The following PUM1 variants were observed in gnomAD, a reference collection of about 807,000 sequenced individuals.
PUM1 encodes pumilio homolog 1.
PUM1 carries 13 observed loss-of-function variants against 131.8 expected under a neutral mutation model. The observed-to-expected ratio is 0.10, with a 90% CI of 0.06 to 0.16. The LOEUF is 0.16. PUM1 is among the 10% of genes least tolerant of loss of function. The pLI is 1.00. For missense variants in PUM1, 961 were observed against 1,512.4 expected (o/e 0.64, Z 6.05); for synonymous variants, 509 against 556.5 (o/e 0.91, Z 1.20).
rs2124509062 is a variant in PUM1, at chr1:31,005,871, A to G, written c.702T>C (p.Cys234=). 1 of 1,600,516 alleles carries G rather than the reference A, an allele frequency of 6.2e-7. No individual in the cohort carries two copies. Among genetic ancestry groups the G allele is most frequent in the Admixed American group, 1.8e-5 (1 of 56,172 alleles). Residue 234 remains cysteine, a synonymous_variant, in exon 5 of 22, where the codon TGT becomes TGC. Coordinates refer to ENST00000426105, the MANE Select transcript of PUM1 (RefSeq NM_001020658.2). ...YVLSSSPGDS[C]LRKGGFGPRD... is the part of the protein sequence containing the mutation. ...AACTTACAAATCCTCCTTTTCTTAGACAGGAATCGCCCGGGGATGAGCTCA... is the reference window on the plus strand; with the variant it reads ...AACTTACAAATCCTCCTTTTCTTAGGCAGGAATCGCCCGGGGATGAGCTCA...
chr1:31,041,644 G>A (rs925038283), intron 2 of PUM1, among the ~76,000 whole-genome samples: 1 of 152,042 alleles, frequency 6.6e-6, no homozygotes, highest in Non-Finnish European at 1.5e-5. Context: ...AAAGTGCCTG[G>A]AACCTCTTCT....
chr1:30,947,623 C>T (rs1365623006), intron 17 of PUM1, among the ~76,000 whole-genome samples: 1 of 152,176 alleles, frequency 6.6e-6, no homozygotes, highest in Non-Finnish European at 1.5e-5. Context: ...GTGCCTCCTG[C>T]CCAGTTTCCC....
intron 17 of PUM1, among the ~76,000 whole-genome samples, chr1:30,947,109 C>T (rs1208317999): frequency 6.6e-6 from 1 of 152,102 alleles, no homozygotes; most frequent in Non-Finnish European, 1.5e-5. Context: ...ATGGAGACAC[C>T]AAGGAAGAGG....
chr1:31,052,020 T>C (rs1644120681), intron 2 of PUM1, among the ~76,000 whole-genome samples: 1 of 152,128 alleles, frequency 6.6e-6, no homozygotes, highest in African/African-American at 2.4e-5. Flanking sequence ...AGTAACTTTT[T>C]TTTTTCTTTG....
chr1:31,055,201 C>G (rs1464531006), intron 2 of PUM1: 3 of 376,440 alleles, frequency 8.0e-6, no homozygotes, highest in African/African-American at 6.3e-5. Flanking sequence ...AGAGATGTGC[C>G]CCTTTGCTCT....
At chr1:31,036,000 A>C (rs1181025760) in intron 2 of PUM1, among the ~76,000 whole-genome samples, 2 of 152,202 alleles carry the variant, frequency 1.3e-5, no homozygotes, top group African/African-American at 2.4e-5. Context: ...TTTATATACG[A>C]GGAAACCAAG....
Position 31,005,770 on chromosome 1 carries a change from T to C in PUM1, c.720+83A>G. ...AACATCTAAGGAAACTAAACAGGCA[T>C]GTTTTGCTTTAGGGGAAAAAAAGAG... On this transcript the variant is annotated intron_variant, in intron 5 of 21. Coordinates refer to ENST00000426105, the MANE Select transcript of PUM1 (RefSeq NM_001020658.2). The C allele has an allele frequency of 3.0e-6, 4 of 1,317,754 alleles. No homozygotes were observed. In the South Asian group the frequency reaches 6.2e-5, roughly 20 times the overall value. The allele number at this position is 1,317,754 out of a possible 1,614,324, so 81.6% of individuals were successfully genotyped here.
At position 30,960,956 on chromosome 1, in the gene PUM1, A is replaced by G. The variant is rs1640379248; in HGVS notation, c.2323+3718T>C. Among the ~76,000 whole-genome samples the G allele has an allele frequency of 2.7e-5, 4 of 150,750 alleles. No individual in the cohort carries two copies. The South Asian group carries it at 8.4e-4, about 32-fold the overall frequency. ...CCTCATCAAAATAAAAAACTAGTGC[A>G]TTTTAAAAGACAACATTTTAAAAAT... On this transcript the variant is annotated intron_variant, in intron 14 of 21. Transcript: ENST00000426105.
chr1:30,981,445 G>A, intron 7 of PUM1, 40 bp from the exon 8 acceptor site: 1 of 1,327,652 alleles, frequency 7.5e-7, no homozygotes, highest in Non-Finnish European at 1.1e-6. Context: ...TAGGGAAACT[G>A]TCTTACAAAA....
intron 20 of PUM1, among the ~76,000 whole-genome samples, chr1:30,939,848 T>A (rs545531464): frequency 7.5e-4 from 114 of 152,206 alleles, no homozygotes; most frequent in African/African-American, 2.6e-3. Flanking sequence ...ACAGACTCTG[T>A]CCCTTAAAAA....
intron 3 of PUM1, among the ~76,000 whole-genome samples, chr1:31,022,507 G>A (rs1056013144): frequency 6.6e-5 from 10 of 152,194 alleles, no homozygotes; most frequent in Non-Finnish European, 1.3e-4. Flanking sequence ...GAATGGGTGG[G>A]GTTTGCACAT....
rs1246788077 is a variant in PUM1 at position 31,059,262 on chromosome 1, C to G, written c.305G>C (p.Gly102Ala). Residue 102 changes from glycine to alanine, a missense_variant, in exon 2 of 22, where the codon GGC becomes GCC. Physicochemically the swap from Gly to Ala is moderately conservative, Grantham distance 60. Around this residue, in one of 4 missense-constraint regions of PUM1, gnomAD observed 654 missense variants for 923.9 expected, o/e 0.71. Transcript: ENST00000426105. ...CCATCGATGTTTGCTATTATTATAG[C>G]CGCCTCCTCCACTTCCTCCTCCCCC... ...QLGGGGSGGG[G>A]YNNSKHRWPT... 6.2e-7 allele frequency: 1 copy of G among 1,612,840 alleles called. No individual in the cohort carries two copies. Among genetic ancestry groups the G allele is most frequent in the Non-Finnish European group, 8.5e-7 (1 of 1,179,442 alleles).
chr1:30,954,113 C>T (rs1204797216), intron 14 of PUM1, 132 bp from the exon 15 acceptor site: 3 of 975,180 alleles, frequency 3.1e-6, no homozygotes, highest in Middle Eastern at 3.3e-4. Context: ...TGTGTCAAGA[C>T]AATTCTATTA....
At chr1:30,969,316 CAAAAAAAAA>C (rs763999971) in intron 10 of PUM1, among the ~76,000 whole-genome samples, 4 of 51,180 alleles carry the variant, frequency 7.8e-5, no homozygotes, top group African/African-American at 3.0e-4. Flanking sequence ...AACACACACA[CAAAAAAAAA>C]AAAAAAAAAA....
At chr1:30,952,718 AGAG>A (rs370584834) in intron 15 of PUM1, among the ~76,000 whole-genome samples, 30,474 of 119,530 alleles carry the variant, frequency 0.25, 5,083 homozygotes, top group Non-Finnish European at 0.32. Flanking sequence ...GTGCAGGAAG[AGAG>A]GAGGGGTGGA....
chr1:31,044,451 T>C (rs1486451413), intron 2 of PUM1, among the ~76,000 whole-genome samples: 1 of 151,904 alleles, frequency 6.6e-6, no homozygotes, highest in Non-Finnish European at 1.5e-5. Flanking sequence ...ACATACAACA[T>C]AGATGAACCC....
intron 2 of PUM1, among the ~76,000 whole-genome samples, chr1:31,038,183 T>A: frequency 6.7e-6 from 1 of 150,028 alleles, no homozygotes; most frequent in Admixed American, 6.7e-5. Context: ...AAAATGCAGA[T>A]GATCTTTAAA....
chr1:31,049,202 GAAAAAAT>G, intron 2 of PUM1, among the ~76,000 whole-genome samples: 1 of 150,600 alleles, frequency 6.6e-6, no homozygotes, highest in Middle Eastern at 3.5e-3. Flanking sequence ...AACTCTGTCT[GAAAAAAT>G]AAAAAACAAA....
In PUM1 at chr1:31,009,169, C is replaced by A. The variant is rs149498022; in HGVS notation, c.433-2067G>T. ...CTGAACTCCAGCCTGGGCAACAGAGCGAGACTCCATCTTCAAAAAAAAAAA... is the reference window on the plus strand; with the variant it reads ...CTGAACTCCAGCCTGGGCAACAGAGAGAGACTCCATCTTCAAAAAAAAAAA... On this transcript the variant is annotated intron_variant, in intron 3 of 21. Transcript: ENST00000426105. Among the ~76,000 whole-genome samples, 702 of 149,704 alleles carry A rather than the reference C, an allele frequency of 4.7e-3. 5 individuals carry two copies. The highest frequency in any genetic ancestry group is 0.016 in the African/African-American group (661 of 40,612).
Sources: allele counts gnomAD v4.1 joint callset (sites outside exome capture counted in the v4.1 genomes callset), GRCh38; gene constraint gnomAD v4.1.1; regional missense constraint gnomAD v4.1.1; transcripts MANE v1.5; gene names NCBI Gene and HGNC (gene_info 2026-07-23, HGNC 2026-07-21).